Variants in UNC79 observed in about 807,000 individuals in gnomAD.
UNC79 encodes the protein protein unc-79 homolog.
UNC79 carries 37 observed loss-of-function variants against 283.1 expected under a neutral mutation model. The ratio of observed to expected loss-of-function variants is 0.13; its 90% CI spans 0.10 to 0.17. The LOEUF (loss-of-function observed/expected upper bound fraction) is 0.17. UNC79 is among the 10% of genes least tolerant of loss of function. The pLI, the probability that UNC79 is intolerant of heterozygous loss-of-function variation, is 1.00. For missense variants in UNC79, 2,272 were observed against 3,211.1 expected, an observed-to-expected ratio of 0.71 and a Z score of 7.07; for synonymous variants, 1,107 against 1,200.2, an observed-to-expected ratio of 0.92 and a Z score of 1.61.
At chr14:93,510,836 C>G (rs113747837) in intron 7 of UNC79, among the ~76,000 whole-genome samples, 11,649 of 152,224 alleles carry the variant, frequency 0.077, 503 homozygotes, top group Middle Eastern at 0.14. Flanking sequence ...TGCCCGTTAC[C>G]CAGTTCCAAA....
intron 8 of UNC79, among the ~76,000 whole-genome samples, chr14:93,526,424 A>G (rs149074743): frequency 1.9e-3 from 288 of 152,340 alleles, no homozygotes; most frequent in African/African-American, 6.7e-3. Flanking sequence ...TAAAGGTTAC[A>G]TAGTGAAAAA....
At chr14:93,415,455 C>A (rs1276176486) in intron 1 of UNC79, among the ~76,000 whole-genome samples, 1 of 152,156 alleles carries the variant, frequency 6.6e-6, no homozygotes, top group Admixed American at 6.5e-5. Flanking sequence ...CATCAATGTT[C>A]ATCAAGGATA....
chr14:93,621,475 C>G lies in UNC79; in HGVS notation c.4388-146C>G. On this transcript the variant is annotated intron_variant, in intron 29 of 48. Transcript: ENST00000555664. The surrounding 1 kb of genome is among the most constrained non-coding windows in gnomAD (Gnocchi z 4.8). ...GTTTTTGAAATTAGAACGAACCTTA[C>G]AAAAACTTGGCCAGAAAGTTCGTTT... is the stretch of plus-strand genomic sequence containing the variant. 9.3e-7 allele frequency: 1 copy of G among 1,074,894 alleles called. No individual in the cohort carries two copies. The highest frequency in any genetic ancestry group is 1.6e-5 in the African/African-American group (1 of 61,936). The allele number at this position is 1,074,894 out of a possible 1,614,324, so 66.6% of individuals were successfully genotyped here.
chr14:93,636,795 C>T (rs1431429708), intron 31 of UNC79, among the ~76,000 whole-genome samples: 1 of 152,208 alleles, frequency 6.6e-6, no homozygotes, highest in African/African-American at 2.4e-5. Context: ...TTTCCTTCTA[C>T]CAGTTCCACA....
Position 93,637,159 on chromosome 14 carries a change from T to C in UNC79, c.5717-57T>C, listed in dbSNP as rs1013281558. On this transcript the variant is annotated intron_variant, in intron 31 of 48. Transcript: ENST00000555664. ...GAGATGATTGGTTAAATTCTTTGTG[T>C]TCTAAATGGTGCTAAGATGACCACA... 4.5e-6 allele frequency: 4 copies of C among 883,846 alleles called. No individual in the cohort carries two copies. In the African/African-American group the frequency reaches 6.6e-5, roughly 15 times the overall value. 54.8% of individuals were successfully genotyped at this position (883,846 alleles called of 1,614,324 possible). A position where few individuals can be genotyped will look rare whatever the true frequency, so the allele number is the denominator to read the frequency against.
intron 48 of UNC79, among the ~76,000 whole-genome samples, chr14:93,706,425 T>C (rs746067770): frequency 6.6e-6 from 1 of 152,188 alleles, no homozygotes; most frequent in Non-Finnish European, 1.5e-5. Context: ...CAAGTTTATG[T>C]GTTAGCCCAG....
In UNC79 at chr14:93,361,447, G is replaced by T. The variant is rs1408047058; in HGVS notation, c.-351+27924G>T. Among the ~76,000 whole-genome samples, 12 of 150,910 alleles carry T rather than the reference G, an allele frequency of 8.0e-5. No homozygotes were observed. In the Admixed American group the frequency reaches 8.0e-4, roughly 10 times the overall value. Reference sequence around the variant, plus strand: ...GATTGCTTGAGCCCAGGACATTAAGGCTGCATTGTTCCATGTTTGAACTAC... The same window carrying T: ...GATTGCTTGAGCCCAGGACATTAAGTCTGCATTGTTCCATGTTTGAACTAC... On this transcript the variant is annotated intron_variant, in intron 1 of 49. Coordinates refer to the UNC79 transcript ENST00000256339.
chr14:93,340,334 C>T (rs570863412), intron 1 of UNC79, among the ~76,000 whole-genome samples: 2 of 149,982 alleles, frequency 1.3e-5, no homozygotes, highest in East Asian at 2.0e-4. Context: ...CCCAGCTACT[C>T]GGGAGGCTGA....
chr14:93,704,451 C>T (rs560789755), intron 47 of UNC79, among the ~76,000 whole-genome samples, 174 bp from the exon 51 acceptor site: 20 of 152,304 alleles, frequency 1.3e-4, no homozygotes, highest in East Asian at 3.9e-4. Context: ...ACTGGCTCAG[C>T]GGGGTTTGGC....
intron 1 of UNC79, among the ~76,000 whole-genome samples, chr14:93,369,843 G>A (rs2054407115): frequency 6.6e-6 from 1 of 152,168 alleles, no homozygotes; most frequent in South Asian, 2.1e-4. Context: ...CTGACCTACT[G>A]GGGTTTCATT....
chr14:93,585,051 C>A (rs2064121345), intron 20 of UNC79, among the ~76,000 whole-genome samples: 1 of 152,178 alleles, frequency 6.6e-6, no homozygotes, highest in Non-Finnish European at 1.5e-5. Flanking sequence ...ATACAGTCCA[C>A]TTATTAAAAC....
At chr14:93,573,187 A>C (rs139995081) in intron 16 of UNC79, among the ~76,000 whole-genome samples, 13 of 152,286 alleles carry the variant, frequency 8.5e-5, no homozygotes, top group African/African-American at 2.9e-4. Context: ...TGAGTAGTTC[A>C]TGCTGTTCCC....
intron 1 of UNC79, among the ~76,000 whole-genome samples, chr14:93,408,641 A>G (rs553454192): frequency 7.0e-4 from 106 of 152,342 alleles, no homozygotes; most frequent in Non-Finnish European, 1.4e-3. Context: ...ACACTGAGCT[A>G]TGTTTGCACC....
At chr14:93,671,431 G>T (rs975483911) in intron 40 of UNC79, among the ~76,000 whole-genome samples, 15 of 152,052 alleles carry the variant, frequency 9.9e-5, no homozygotes, top group African/African-American at 3.6e-4. Flanking sequence ...CTTTCAACCA[G>T]GGATTAATAT....
chr14:93,381,777 G>T lies in UNC79; in HGVS notation c.-351+48254G>T, dbSNP rs150464380. Among the ~76,000 whole-genome samples the T allele has an allele frequency of 2.7e-3, 406 of 152,298 alleles. 1 individual carries two copies. The highest frequency in any genetic ancestry group is 9.2e-3 in the African/African-American group (384 of 41,566). On this transcript the variant is annotated intron_variant, in intron 1 of 49. Transcript: ENST00000256339. Reference sequence around the variant, plus strand: ...GTATGAACTTCAAAGAAAGACAAAAGTGTCCTCTAGAGGAAGTGTCAGCTT... The same window carrying T: ...GTATGAACTTCAAAGAAAGACAAAATTGTCCTCTAGAGGAAGTGTCAGCTT...
At chr14:93,448,206 T>C (rs1379353773) in intron 1 of UNC79, among the ~76,000 whole-genome samples, 7 of 151,612 alleles carry the variant, frequency 4.6e-5, no homozygotes, top group Middle Eastern at 3.4e-3. Flanking sequence ...TTCTCTCCTC[T>C]GTTCTTCATG....
At chr14:93,603,500 G>A in intron 26 of UNC79, 82 bp downstream of exon 26, 1 of 1,483,860 alleles carries the variant, frequency 6.7e-7, no homozygotes, top group East Asian at 2.4e-5. Flanking sequence ...TGTTCACAGA[G>A]AGTATAGCAT....
upstream of UNC79, among the ~76,000 whole-genome samples, chr14:93,426,511 G>C (rs1431518402): frequency 6.6e-6 from 1 of 150,836 alleles, no homozygotes; most frequent in Non-Finnish European, 1.5e-5. Flanking sequence ...TATAACTTTT[G>C]TTATTGTCTC....
intron 26 of UNC79, among the ~76,000 whole-genome samples, chr14:93,610,509 C>T (rs1435226787): frequency 6.6e-6 from 1 of 152,190 alleles, no homozygotes; most frequent in Non-Finnish European, 1.5e-5. Context: ...CTGTCATATT[C>T]TTGGCCCAAA....
Sources: allele counts gnomAD v4.1 joint callset (sites outside exome capture counted in the v4.1 genomes callset), GRCh38; gene constraint gnomAD v4.1.1; non-coding constraint Gnocchi (gnomAD v3.1); transcripts MANE v1.5; gene names NCBI Gene and HGNC (gene_info 2026-07-23, HGNC 2026-07-21).